HDX: variants seen among roughly 807,000 people sequenced by gnomAD.
HDX encodes highly divergent homeobox, also known as chromosome X open reading frame 43.
In HDX, 19 loss-of-function variants were observed where a neutral mutation model predicts 45.2. The ratio of observed to expected loss-of-function variants is 0.42; its 90% CI spans 0.29 to 0.62. The LOEUF (loss-of-function observed/expected upper bound fraction) is 0.62, where lower values mean the gene tolerates loss of function less well. HDX is among the 20% of genes least tolerant of loss of function. HDX has a pLI of 0.20. For missense variants in HDX, 532 were observed against 493.9 expected, an observed-to-expected ratio of 1.08 and a Z score of -0.73; for synonymous variants, 188 against 172.8, an observed-to-expected ratio of 1.09 and a Z score of -0.69.
intron 5 of HDX, among the ~76,000 whole-genome samples, chrX:84,420,816 C>T (rs2148010776): frequency 8.9e-6 from 1 of 111,756 alleles, no homozygotes; most frequent in African/African-American, 3.2e-5. Flanking sequence ...GGAAACCTTA[C>T]AGGCCAGGAG....
Position 84,481,184 on chromosome X carries a change from A to T in HDX, c.1-5787T>A, listed in dbSNP as rs2040671516. Among the ~76,000 whole-genome samples, 5 of 110,866 alleles carry T rather than the reference A, an allele frequency of 4.5e-5. No homozygotes were observed. In the Admixed American group the frequency reaches 4.8e-4, roughly 11 times the overall value. ...CTGTCTGTAGGGCCTGTGGTGATGT[A>T]CCTTTTTTCTTCTTGATATTGGTAA... is the stretch of plus-strand genomic sequence containing the variant. On this transcript the variant is annotated intron_variant, in intron 2 of 10. Transcript: ENST00000373177.
chrX:84,397,835 A>G (rs913123587), intron 5 of HDX, among the ~76,000 whole-genome samples: 4 of 111,926 alleles, frequency 3.6e-5, no homozygotes, highest in African/African-American at 6.5e-5. Context: ...GAATTGTCCT[A>G]TAACAAGACT....
intron 2 of HDX, among the ~76,000 whole-genome samples, chrX:84,481,761 A>G (rs2040684868): frequency 1.8e-5 from 2 of 110,856 alleles, no homozygotes; most frequent in South Asian, 3.8e-4. Flanking sequence ...AAGGTTTCTT[A>G]CTTGGGTATA....
chrX:84,459,880 C>G (rs1404123999), intron 4 of HDX, among the ~76,000 whole-genome samples: 1 of 111,020 alleles, frequency 9.0e-6, no homozygotes, highest in Non-Finnish European at 1.9e-5. Flanking sequence ...TGCAGAAATT[C>G]AAAGGATCAT....
intron 5 of HDX, chrX:84,440,241 T>C: frequency 5.0e-6 from 1 of 201,429 alleles, no homozygotes. Flanking sequence ...ATCAAATTAA[T>C]TGGGTTGATT....
At chrX:84,353,619 G>T (rs2037409599) in intron 6 of HDX, among the ~76,000 whole-genome samples, 1 of 102,657 alleles carries the variant, frequency 9.7e-6, no homozygotes, top group Non-Finnish European at 2.0e-5. Context: ...TTAATTTTAT[G>T]TGTCAATATA....
intron 1 of HDX, among the ~76,000 whole-genome samples, chrX:84,494,308 T>C (rs921114330): frequency 2.8e-4 from 31 of 112,454 alleles, no homozygotes; most frequent in African/African-American, 1.0e-3. Context: ...CCCTAAAAAA[T>C]GTGCAGGTAA....
intron 7 of HDX, among the ~76,000 whole-genome samples, chrX:84,342,451 A>G (rs1436682363): frequency 1.7e-4 from 19 of 111,215 alleles, no homozygotes; most frequent in Non-Finnish European, 1.9e-5. Context: ...TCAGTGTAAC[A>G]ATAAGCAGTC....
chrX:84,432,812 T>C (rs995648108), intron 5 of HDX, among the ~76,000 whole-genome samples: 13 of 111,011 alleles, frequency 1.2e-4, no homozygotes, highest in African/African-American at 3.9e-4. Flanking sequence ...GGATGGTTTT[T>C]ATTTCTTTCT....
At chrX:84,399,082 A>G (rs1375230839) in intron 5 of HDX, among the ~76,000 whole-genome samples, 2 of 111,673 alleles carry the variant, frequency 1.8e-5, no homozygotes, top group Non-Finnish European at 3.8e-5. Context: ...TAAGAGGAAA[A>G]TTTATAGCAC....
intron 4 of HDX, among the ~76,000 whole-genome samples, chrX:84,454,754 A>G (rs180881946): frequency 1.8e-3 from 195 of 110,847 alleles, no homozygotes; most frequent in African/African-American, 6.3e-3. Flanking sequence ...ATTTCCATGG[A>G]CCTGGGGTGA....
intron 5 of HDX, among the ~76,000 whole-genome samples, chrX:84,422,773 A>G (rs2039288431): frequency 1.0e-5 from 1 of 95,703 alleles, no homozygotes; most frequent in South Asian, 5.5e-4. Context: ...GGTTCACGCC[A>G]TTCTCCTGCC....
intron 6 of HDX, among the ~76,000 whole-genome samples, chrX:84,356,233 T>G (rs1359072551): frequency 8.9e-6 from 1 of 111,896 alleles, no homozygotes; most frequent in Non-Finnish European, 1.9e-5. Context: ...CTCAAGAATA[T>G]ATTTATGTTG....
intron 8 of HDX, 101 bp from the exon 9 acceptor site, chrX:84,333,943 T>C (rs2036898867): frequency 4.2e-5 from 16 of 383,301 alleles, no homozygotes. Flanking sequence ...TTATCTAGTC[T>C]AGGTTATCTG....
At chrX:84,405,504 G>A (rs1005823215) in intron 5 of HDX, among the ~76,000 whole-genome samples, 5 of 107,935 alleles carry the variant, frequency 4.6e-5, no homozygotes, top group Non-Finnish European at 9.6e-5. Flanking sequence ...AGAGTATTTC[G>A]TGCTTAGTTG....
At chrX:84,473,398 G>T (rs1454637967) in intron 3 of HDX, among the ~76,000 whole-genome samples, 1 of 108,235 alleles carries the variant, frequency 9.2e-6, no homozygotes, top group African/African-American at 3.4e-5. Context: ...AATTCCTTTT[G>T]CCCTTTAACT....
intron 5 of HDX, among the ~76,000 whole-genome samples, chrX:84,426,597 A>G: frequency 9.0e-6 from 1 of 111,029 alleles, no homozygotes; most frequent in East Asian, 2.8e-4. Flanking sequence ...AATCTTACCA[A>G]GTCAAACACA....
rs780838053 is a variant in HDX, at chrX:84,502,364, A to C, written c.-132T>G. 2.2e-4 allele frequency: 24 copies of C among 111,367 alleles called. No individual in the cohort carries two copies. The highest frequency in any genetic ancestry group is 7.5e-4 in the African/African-American group (23 of 30,609). 9.2% of individuals were successfully genotyped at this position (111,367 alleles called of 1,213,427 possible). A position where few individuals can be genotyped will look rare whatever the true frequency, so the allele number is the denominator to read the frequency against. ...TACCTCGGGTGTGGTGCGGTTACGAAAGGAATCAGCGGAACCCAGATCAGG... is the reference window on the plus strand; with the variant it reads ...TACCTCGGGTGTGGTGCGGTTACGACAGGAATCAGCGGAACCCAGATCAGG... On this transcript the variant is annotated 5_prime_UTR_variant, in exon 1 of 11. Transcript: ENST00000373177.
In HDX at chrX:84,469,283, G is replaced by A. The variant is rs1265139496; in HGVS notation, c.440C>T (p.Thr147Ile). 1 of 1,210,170 alleles carries A rather than the reference G, an allele frequency of 8.3e-7. No individual in the cohort carries two copies. Residue 147 changes from threonine (T) to isoleucine (I), a missense_variant, in exon 4 of 11, where the codon ACT becomes ATT. This residue lies in a region of HDX where 376 missense variants were observed against 343.7 expected (regional missense o/e 1.09). Coordinates refer to ENST00000373177, the MANE Select transcript of HDX (RefSeq NM_001177479.2). ...GACAGGAATGTGTAACTGAAACTCA[G>A]TATCATTTTTAGTGGCTGTTTTCTG... ...PIQKTATKND[T>I]EFQLHIPVQR... is the part of the protein sequence containing the mutation.
Sources: allele counts gnomAD v4.1 joint callset (sites outside exome capture counted in the v4.1 genomes callset), GRCh38; gene constraint gnomAD v4.1.1; regional missense constraint gnomAD v4.1.1; transcripts MANE v1.5; gene names NCBI Gene and HGNC (gene_info 2026-07-23, HGNC 2026-07-21).